Variants in SPATA6 observed in about 807,000 individuals in gnomAD.
SPATA6 encodes the protein spermatogenesis-associated protein 6.
SPATA6 carries 56 observed loss-of-function variants against 65.3 expected under a neutral mutation model. That is an observed-to-expected ratio of 0.86 (90% CI 0.69 to 1.07). The LOEUF is 1.07. Among genes scored for constraint, SPATA6 ranks in the 50% least tolerant of loss-of-function variants. SPATA6 has a pLI of 0.00. For missense variants in SPATA6, 590 were observed against 594.8 expected (o/e 0.99, Z 0.08); for synonymous variants, 199 against 213.2 (o/e 0.93, Z 0.58).
At chr1:48,345,357 A>C (rs771569863) in intron 11 of SPATA6, among the ~76,000 whole-genome samples, 6 of 152,158 alleles carry the variant, frequency 3.9e-5, no homozygotes, top group Admixed American at 6.6e-5. Context: ...TAATAGGTAA[A>C]TTTATAGAAC....
intron 11 of SPATA6, among the ~76,000 whole-genome samples, chr1:48,346,287 T>G (rs891017892): frequency 2.6e-5 from 4 of 152,026 alleles, no homozygotes; most frequent in Admixed American, 6.6e-5. Context: ...TTTCTTCCTG[T>G]TAAAACTCTC....
intron 3 of SPATA6, among the ~76,000 whole-genome samples, chr1:48,428,775 A>ATGTGTGTGTGTGTGTG (rs59651745): frequency 0.028 from 3,722 of 133,336 alleles, 79 homozygotes; most frequent in Non-Finnish European, 0.042. Context: ...AGGTGTATAT[A>ATGTGTGTGTGTGTGTG]TGTGTGTGTG....
intron 11 of SPATA6, among the ~76,000 whole-genome samples, chr1:48,336,443 G>A (rs72891594): frequency 4.6e-5 from 7 of 151,880 alleles, no homozygotes; most frequent in Admixed American, 2.0e-4. Context: ...GGAATACTAC[G>A]CAATCCTAAA....
chr1:48,286,540 A>G, the SPATA6 span, among the ~76,000 whole-genome samples: 1 of 152,140 alleles, frequency 6.6e-6, no homozygotes, highest in Admixed American at 6.6e-5. Context: ...AATTTATTCT[A>G]TCAGCTTTTT....
intron 11 of SPATA6, among the ~76,000 whole-genome samples, chr1:48,347,493 T>G (rs1272447381): frequency 6.9e-6 from 1 of 145,862 alleles, no homozygotes; most frequent in Non-Finnish European, 1.5e-5. Context: ...TTAATGTATA[T>G]ATGTATATAT....
At chr1:48,352,205 A>G (rs1570255207) in intron 11 of SPATA6, among the ~76,000 whole-genome samples, 1 of 152,060 alleles carries the variant, frequency 6.6e-6, no homozygotes, top group Admixed American at 6.6e-5. Flanking sequence ...AAACCATCAG[A>G]CCTCATGAGA....
chr1:48,403,194 G>A (rs1296793869), intron 6 of SPATA6, among the ~76,000 whole-genome samples: 1 of 151,932 alleles, frequency 6.6e-6, no homozygotes, highest in Non-Finnish European at 1.5e-5. Flanking sequence ...AAAACAAGAA[G>A]TCAGACAAAT....
At chr1:48,466,296 C>T (rs150826858) in intron 1 of SPATA6, among the ~76,000 whole-genome samples, 1 of 152,092 alleles carries the variant, frequency 6.6e-6, no homozygotes, top group East Asian at 1.9e-4. Context: ...ACTAGACCTG[C>T]AAGAATCAAC....
At chr1:48,314,582 G>A (rs1007328949) in intron 11 of SPATA6, among the ~76,000 whole-genome samples, 1 of 152,138 alleles carries the variant, frequency 6.6e-6, no homozygotes, top group African/African-American at 2.4e-5. Context: ...GCCCACAAGA[G>A]AAAGCAGGAA....
chr1:48,363,709 T>C (rs959100227), intron 9 of SPATA6, among the ~76,000 whole-genome samples: 1 of 151,962 alleles, frequency 6.6e-6, no homozygotes, highest in East Asian at 1.9e-4. Flanking sequence ...AAAAAATAAC[T>C]AATATTTTTA....
chr1:48,306,234 G>A (rs1185138684), intron 11 of SPATA6, among the ~76,000 whole-genome samples: 2 of 151,888 alleles, frequency 1.3e-5, no homozygotes, highest in African/African-American at 2.4e-5. Flanking sequence ...CCTGCATTTT[G>A]AGGAATAAGT....
intron 11 of SPATA6, among the ~76,000 whole-genome samples, chr1:48,333,207 G>A (rs1192938070): frequency 6.6e-6 from 1 of 152,140 alleles, no homozygotes; most frequent in African/African-American, 2.4e-5. Context: ...GGCAGATGAA[G>A]GTAGAAGAAG....
At chr1:48,415,226 A>G (rs987891132) in intron 3 of SPATA6, among the ~76,000 whole-genome samples, 1 of 152,222 alleles carries the variant, frequency 6.6e-6, no homozygotes, top group Admixed American at 6.5e-5. Context: ...AAGGGTGATG[A>G]CAGTCCAAGG....
intron 5 of SPATA6, among the ~76,000 whole-genome samples, chr1:48,404,862 AG>A (rs1235425768): frequency 6.6e-6 from 1 of 152,242 alleles, no homozygotes; most frequent in African/African-American, 2.4e-5. Flanking sequence ...AAAATTCAAA[AG>A]GACAGTCACA....
the SPATA6 span, among the ~76,000 whole-genome samples, chr1:48,287,400 A>C: frequency 6.6e-6 from 1 of 152,168 alleles, no homozygotes; most frequent in South Asian, 2.1e-4. Context: ...ACACATCCAA[A>C]CTATATTATG....
chr1:48,446,491 G>T (rs1341070101), intron 3 of SPATA6, among the ~76,000 whole-genome samples: 1 of 152,112 alleles, frequency 6.6e-6, no homozygotes, highest in African/African-American at 2.4e-5. Context: ...AAAGTCAAAT[G>T]AATACATTGG....
chr1:48,340,294 T>C (rs1282193776), intron 11 of SPATA6, among the ~76,000 whole-genome samples: 4 of 90,288 alleles, frequency 4.4e-5, no homozygotes, highest in African/African-American at 2.3e-4. Flanking sequence ...TCCATGCAAA[T>C]GAGAAATTAT....
chr1:48,385,250 G>A, intron 9 of SPATA6, 59 bp downstream of exon 9: 1 of 1,429,934 alleles, frequency 7.0e-7, no homozygotes, highest in Non-Finnish European at 9.5e-7. Context: ...ATATGAAATA[G>A]ACTCATGTTG....
intron 1 of SPATA6, among the ~76,000 whole-genome samples, chr1:48,463,805 G>A (rs1469611924): frequency 6.6e-6 from 1 of 151,952 alleles, no homozygotes; most frequent in Non-Finnish European, 1.5e-5. Context: ...GACTCATAAA[G>A]CTAAAATCTC....
Sources: gnomAD v4.1 joint callset for allele counts (sites outside exome capture counted in the v4.1 genomes callset) on GRCh38, gnomAD v4.1.1 for gene constraint, MANE v1.5 for transcripts, NCBI Gene and HGNC (gene_info 2026-07-23, HGNC 2026-07-21) for gene names.